The following RPL34 variants were observed in gnomAD, a reference collection of about 807,000 sequenced individuals.
The protein encoded by RPL34 is ribosomal protein L34, also known as large ribosomal subunit protein eL34.
In RPL34, 2 loss-of-function variants were observed where a neutral mutation model predicts 16.3. That is an observed-to-expected ratio of 0.12 (90% CI 0.05 to 0.39). The LOEUF (loss-of-function observed/expected upper bound fraction) is 0.39. Among genes scored for constraint, RPL34 ranks in the 10% least tolerant of loss-of-function variants. RPL34 has a pLI of 0.99. For synonymous variants in RPL34, 47 were observed against 48.5 expected, an observed-to-expected ratio of 0.97 and a Z score of 0.13; for missense variants, 82 against 148.8, an observed-to-expected ratio of 0.55 and a Z score of 2.33.
chr4:108,622,583 T>C lies in RPL34; in HGVS notation c.234T>C (p.Tyr78=), dbSNP rs757472305. 2.5e-6 allele frequency: 4 copies of C among 1,607,408 alleles called. No individual in the cohort carries two copies. The highest frequency in any genetic ancestry group is 3.4e-6 in the Non-Finnish European group (4 of 1,178,154). The part of the protein sequence containing the change: ...SKTKKHVSRA[Y]GGSMCAKCVR... ...CAAAGAAACATGTCAGCAGGGCCTA[T>C]GGTGGTTCCATGTGTGCTAAATGTG... The change falls in exon 4 of 5, where the codon TAT becomes TAC. Residue 78 remains tyrosine (Y), a synonymous_variant. Transcript: ENST00000394667.
At chr4:108,627,644 C>T (rs552483586), downstream of RPL34, among the ~76,000 whole-genome samples, 22 of 152,034 alleles carry the variant, frequency 1.4e-4, no homozygotes, top group South Asian at 4.2e-3. Flanking sequence ...GGTGGATCAC[C>T]GGAGGTCAGG....
Position 108,622,096 on chromosome 4 carries a change from A to C in RPL34, c.66-9A>C. The stretch of plus-strand genomic sequence containing the variant: ...AAAATGCTGACCTACTGACTGTTTC[A>C]CTTTCTAGGTCCCGAACCCCTGGTA... On this transcript the variant is annotated splice_polypyrimidine_tract_variant and intron_variant, in intron 2 of 4. Transcript: ENST00000394667. 6.2e-7 allele frequency: 1 copy of C among 1,609,620 alleles called. No individual in the cohort carries two copies.
At position 108,625,251 on chromosome 4, in the gene RPL34, G is replaced by A. The variant is rs529704468; in HGVS notation, c.*39G>A. 1.7e-5 allele frequency: 22 copies of A among 1,292,366 alleles called. No individual in the cohort carries two copies. The African/African-American group carries it at 1.9e-4, about 11-fold the overall frequency. 80.1% of individuals were successfully genotyped at this position (1,292,366 alleles called of 1,614,324 possible). A position where few individuals can be genotyped will look rare whatever the true frequency, so the allele number is the denominator to read the frequency against. ...TTTTGAGTAATAAAAATGAAAAGAC[G>A]CTGTATGTATGACTTTTTTTTTTTC... is the stretch of plus-strand genomic sequence containing the variant. On this transcript the variant is annotated 3_prime_UTR_variant, in exon 5 of 5. Transcript: ENST00000394667.
Position 108,621,573 on chromosome 4 carries a change from A to C in RPL34, c.-9-378A>C, listed in dbSNP as rs373774561. Reference sequence around the variant, plus strand: ...GCTCCTTGCCCTTTATATTCCCAGTAAATGGCATAGCTAAGGATTCGACTT... The same window carrying C: ...GCTCCTTGCCCTTTATATTCCCAGTCAATGGCATAGCTAAGGATTCGACTT... On this transcript the variant is annotated intron_variant, in intron 1 of 4. Transcript: ENST00000394667. 5.6e-4 allele frequency: 136 copies of C among 241,706 alleles called. 4 individuals are homozygous for C. In the South Asian group the frequency reaches 5.8e-3, roughly 10 times the overall value. The allele number at this position is 241,706 out of a possible 1,614,324, so 15.0% of individuals were successfully genotyped here. A position where few individuals can be genotyped will look rare whatever the true frequency, so the allele number is the denominator to read the frequency against.
At chr4:108,624,645 T>G (rs556644573) in intron 4 of RPL34, among the ~76,000 whole-genome samples, 21 of 152,202 alleles carry the variant, frequency 1.4e-4, no homozygotes, top group Non-Finnish European at 2.6e-4. Flanking sequence ...GTGCAGCTAG[T>G]GTGTGGTGGA....
At chr4:108,629,370 T>G (rs577347955), downstream of RPL34, among the ~76,000 whole-genome samples, 8 of 152,364 alleles carry the variant, frequency 5.3e-5, no homozygotes, top group East Asian at 1.5e-3. Context: ...AGTTTTTCTC[T>G]ATTTTAAAAC....
At chr4:108,624,816 A>G (rs553681349) in intron 4 of RPL34, among the ~76,000 whole-genome samples, 15 of 152,222 alleles carry the variant, frequency 9.9e-5, no homozygotes, top group Non-Finnish European at 1.8e-4. Flanking sequence ...GACATTTTGC[A>G]AATCAAGAAA....
intron 4 of RPL34, among the ~76,000 whole-genome samples, chr4:108,623,626 GTCTCTA>G (rs959481358): frequency 1.3e-5 from 2 of 152,096 alleles, no homozygotes; most frequent in Non-Finnish European, 2.9e-5. Context: ...AGCCAGGATG[GTCTCTA>G]TCTGACCTCA....
chr4:108,622,581 T>C lies in RPL34; in HGVS notation c.232T>C (p.Tyr78His), dbSNP rs913344412. The C allele has an allele frequency of 6.2e-7, 1 of 1,607,506 alleles. No individual in the cohort carries two copies. Among genetic ancestry groups the C allele is most frequent in the Admixed American group, 1.7e-5 (1 of 57,926 alleles). Residue 78 changes from tyrosine to histidine, a missense_variant, in exon 4 of 5, where the codon TAT becomes CAT. By Grantham distance (83) the Tyr-to-His change is moderately conservative. Coordinates refer to ENST00000394667, the MANE Select transcript of RPL34 (RefSeq NM_001319236.2). ...AACAAAGAAACATGTCAGCAGGGCC[T>C]ATGGTGGTTCCATGTGTGCTAAATG... ...SKTKKHVSRA[Y>H]GGSMCAKCVR... is the part of the protein sequence containing the mutation.
At chr4:108,620,641 C>T (rs1238484460) in intron 1 of RPL34, 41 bp downstream of exon 1, 3 of 261,504 alleles carry the variant, frequency 1.1e-5, no homozygotes, top group African/African-American at 2.2e-5. Flanking sequence ...TATTTCCTTA[C>T]CAATCGGCTG....
chr4:108,626,901 T>G (rs959633161), downstream of RPL34, among the ~76,000 whole-genome samples: 7 of 152,162 alleles, frequency 4.6e-5, no homozygotes, highest in Non-Finnish European at 8.8e-5. Flanking sequence ...TGGCATGATG[T>G]AACTACTTAA....
At chr4:108,624,975 C>T (rs1237932032) in intron 4 of RPL34, among the ~76,000 whole-genome samples, 153 bp from the exon 5 acceptor site, 2 of 152,116 alleles carry the variant, frequency 1.3e-5, no homozygotes, top group African/African-American at 4.8e-5. Flanking sequence ...ATGAATTTCA[C>T]CTTTTAAGTT....
intron 1 of RPL34, 173 bp from the exon 2 acceptor site, chr4:108,621,773 CTTGTT>C (rs1560612187): frequency 1.8e-6 from 1 of 553,540 alleles, no homozygotes; most frequent in African/African-American, 1.9e-5. Context: ...TTCTTGGCCT[CTTGTT>C]TATCAGTCAC....
chr4:108,629,451 G>A (rs1374045245), downstream of RPL34, among the ~76,000 whole-genome samples: 1 of 151,972 alleles, frequency 6.6e-6, no homozygotes, highest in Non-Finnish European at 1.5e-5. Flanking sequence ...AGTTGGTGTT[G>A]AAGTTCAGTA....
chr4:108,625,072 A>T (rs1725950127), intron 4 of RPL34, 56 bp from the exon 5 acceptor site: 1 of 1,265,418 alleles, frequency 7.9e-7, no homozygotes, highest in Admixed American at 1.8e-5. Flanking sequence ...CTCTGTGCTA[A>T]ATAAAAAATG....
At position 108,622,251 on chromosome 4, in the gene RPL34, C is replaced by T. The variant is rs767509793; in HGVS notation, c.165+47C>T. On this transcript the variant is annotated intron_variant, in intron 3 of 4. Transcript: ENST00000394667. ...TGCAGCCTAACAAGTCTTGAACTTA[C>T]TGAGCTTTCATCCCTTGACGATGGA... 1.3e-5 allele frequency: 17 copies of T among 1,328,226 alleles called. No individual in the cohort carries two copies. The Admixed American group carries it at 1.3e-4, about 11-fold the overall frequency. 82.3% of individuals were successfully genotyped at this position (1,328,226 alleles called of 1,614,324 possible). A position where few individuals can be genotyped will look rare whatever the true frequency, so the allele number is the denominator to read the frequency against.
downstream of RPL34, among the ~76,000 whole-genome samples, chr4:108,629,612 A>G (rs1239059148): frequency 6.6e-6 from 1 of 152,222 alleles, no homozygotes; most frequent in Non-Finnish European, 1.5e-5. Flanking sequence ...GTGACAAAGT[A>G]TTCTTGACAG....
chr4:108,629,393 A>G (rs1472081816), downstream of RPL34, among the ~76,000 whole-genome samples: 1 of 152,150 alleles, frequency 6.6e-6, no homozygotes, highest in African/African-American at 2.4e-5. Context: ...GAGCCTTCTT[A>G]TATATCTGAT....
At chr4:108,624,303 G>C (rs375412636) in intron 4 of RPL34, among the ~76,000 whole-genome samples, 2 of 152,296 alleles carry the variant, frequency 1.3e-5, no homozygotes, top group East Asian at 3.9e-4. Flanking sequence ...AGGATCACAT[G>C]GGGGAGATTT....
Sources: allele counts gnomAD v4.1 joint callset (sites outside exome capture counted in the v4.1 genomes callset), GRCh38; gene constraint gnomAD v4.1.1; transcripts MANE v1.5; gene names NCBI Gene and HGNC (gene_info 2026-07-23, HGNC 2026-07-21).